SAP130: variants seen among roughly 807,000 people sequenced by gnomAD.
SAP130 encodes the protein histone deacetylase complex subunit SAP130.
Under a neutral mutation model 103.2 loss-of-function variants are expected in SAP130, and 16 were observed. That is an observed-to-expected ratio of 0.16 (90% CI 0.10 to 0.24). The LOEUF (loss-of-function observed/expected upper bound fraction) is 0.24, where lower values mean the gene tolerates loss of function less well. Ranked by LOEUF, SAP130 falls within the 10% of genes least tolerant of loss-of-function variation. SAP130 has a pLI of 1.00. For synonymous variants in SAP130, 477 were observed against 497.0 expected (o/e 0.96, Z 0.53); for missense variants, 990 against 1,359.7 (o/e 0.73, Z 4.28).
In SAP130 at chr2:127,973,802, C is replaced by T. The variant is rs186486614; in HGVS notation, c.2063+4183G>A. Among the ~76,000 whole-genome samples, 440 of 152,118 alleles carry T rather than the reference C, an allele frequency of 2.9e-3. 1 individual carries two copies. Among genetic ancestry groups the T allele is most frequent in the Middle Eastern group, 0.01 (3 of 294 alleles). On this transcript the variant is annotated intron_variant, in intron 15 of 20. Coordinates refer to ENST00000643581, the MANE Select transcript of SAP130 (RefSeq NM_001330301.2). Reference sequence around the variant, plus strand: ...ACTTTTAAGACATATGGGCAGGGTGCGGTGCTCATGTCTGTAATCCCAGCA... The same window carrying T: ...ACTTTTAAGACATATGGGCAGGGTGTGGTGCTCATGTCTGTAATCCCAGCA...
chr2:128,013,259 G>A (rs982929660), intron 5 of SAP130, 105 bp from the exon 6 acceptor site: 4 of 1,002,832 alleles, frequency 4.0e-6, no homozygotes, highest in Non-Finnish European at 5.6e-6. Flanking sequence ...TCGAGCTGAA[G>A]TATGGTATGT....
At chr2:127,970,617 A>G (rs542696358) in intron 15 of SAP130, among the ~76,000 whole-genome samples, 2 of 151,382 alleles carry the variant, frequency 1.3e-5, no homozygotes, top group Non-Finnish European at 2.9e-5. Context: ...TCGGAAGGCT[A>G]ATGTGGAAGG....
At chr2:127,974,939 G>C (rs1406245842) in intron 15 of SAP130, among the ~76,000 whole-genome samples, 1 of 152,184 alleles carries the variant, frequency 6.6e-6, no homozygotes, top group East Asian at 1.9e-4. Flanking sequence ...GCAATAGGTT[G>C]TACCACATAG....
chr2:127,978,304 G>A (rs1681619247), intron 14 of SAP130, among the ~76,000 whole-genome samples: 1 of 151,776 alleles, frequency 6.6e-6, no homozygotes, highest in South Asian at 2.1e-4. Context: ...AAAAGAGCAG[G>A]TCCCTTCCCC....
At chr2:128,027,918 C>G (rs1423882429) in intron 1 of SAP130, 22 bp downstream of exon 1, 38 of 985,220 alleles carry the variant, frequency 3.9e-5, no homozygotes, top group Non-Finnish European at 4.6e-5. Context: ...CCTTCCCTCC[C>G]GGGCGCCCGT....
intron 15 of SAP130, among the ~76,000 whole-genome samples, chr2:127,974,562 C>T (rs552806490): frequency 6.6e-6 from 1 of 152,184 alleles, no homozygotes; most frequent in Non-Finnish European, 1.5e-5. Flanking sequence ...GCCTGTAATC[C>T]CAGCACTTGG....
intron 15 of SAP130, among the ~76,000 whole-genome samples, chr2:127,977,263 G>A (rs560586507): frequency 6.6e-5 from 10 of 150,432 alleles, no homozygotes; most frequent in Admixed American, 1.3e-4. Context: ...GCTGAGGCAC[G>A]TGGATCAATT....
intron 4 of SAP130, 83 bp downstream of exon 4, chr2:128,016,293 TATTACCGTGACTA>T (rs1684770993): frequency 7.7e-7 from 1 of 1,294,894 alleles, no homozygotes; most frequent in South Asian, 1.4e-5. Flanking sequence ...GATCTTTTTT[TATTACCGTGACTA>T]ATGTACTGCT....
chr2:127,977,393 C>T (rs1312842499), intron 15 of SAP130, among the ~76,000 whole-genome samples: 2 of 150,682 alleles, frequency 1.3e-5, no homozygotes, highest in Non-Finnish European at 2.9e-5. Context: ...CCAGCTACTC[C>T]GGTGGCCGAG....
chr2:127,975,085 A>C (rs1031629497), intron 15 of SAP130, among the ~76,000 whole-genome samples: 2 of 152,182 alleles, frequency 1.3e-5, no homozygotes, highest in South Asian at 2.1e-4. Flanking sequence ...ATGGTCCCCA[A>C]ATCACCATGT....
intron 11 of SAP130, among the ~76,000 whole-genome samples, chr2:127,994,690 C>T (rs1041664705): frequency 6.6e-6 from 1 of 151,664 alleles, no homozygotes; most frequent in Non-Finnish European, 1.5e-5. Context: ...GCCCGGAAGT[C>T]GAGGCTGCAG....
In SAP130 at chr2:127,983,817, TTTG is replaced by T. The variant is rs200308188; in HGVS notation, c.1958+2965_1958+2967del. ...TTCAGTTTTGGTAATTTTCTATTAC[TTTG>T]TTGTTTTTTTTTTTTTTTTTTTTTT... On this transcript the variant is annotated intron_variant, in intron 14 of 20. Transcript: ENST00000643581. 3.8e-4 allele frequency among the ~76,000 whole-genome samples: 47 copies of T among 124,358 alleles called. 1 individual carries two copies. In the South Asian group the frequency reaches 6.8e-3, roughly 18 times the overall value. 81.6% of individuals were successfully genotyped at this position (124,358 alleles called of 152,430 possible).
chr2:128,004,877 AT>A (rs1683846953), intron 7 of SAP130, among the ~76,000 whole-genome samples: 2 of 152,234 alleles, frequency 1.3e-5, no homozygotes, highest in African/African-American at 4.8e-5. Context: ...AACCCAGTAT[AT>A]AGTCCAGGCT....
chr2:127,950,518 A>G (rs542211959), intron 16 of SAP130, 110 bp from the exon 17 acceptor site: 2 of 1,262,064 alleles, frequency 1.6e-6, no homozygotes, highest in African/African-American at 2.9e-5. Flanking sequence ...GAGCACCAAC[A>G]TTTATTGTCT....
intron 15 of SAP130, among the ~76,000 whole-genome samples, chr2:127,956,049 T>C (rs1235644966): frequency 6.6e-6 from 1 of 152,192 alleles, no homozygotes; most frequent in Non-Finnish European, 1.5e-5. Flanking sequence ...TTTTCTTTTC[T>C]TTCTCTTTAG....
At chr2:127,976,780 C>T (rs939228542) in intron 15 of SAP130, among the ~76,000 whole-genome samples, 12 of 152,120 alleles carry the variant, frequency 7.9e-5, no homozygotes, top group Non-Finnish European at 1.5e-4. Flanking sequence ...TGTGGTAGCA[C>T]GCTCCTGTAG....
At chr2:128,022,932 C>A (rs529265813) in intron 2 of SAP130, among the ~76,000 whole-genome samples, 2 of 151,984 alleles carry the variant, frequency 1.3e-5, no homozygotes, top group Non-Finnish European at 2.9e-5. Context: ...CAGGCTCAAG[C>A]GATCCTCCCA....
At chr2:127,983,266 T>G (rs981438480) in intron 14 of SAP130, among the ~76,000 whole-genome samples, 3 of 152,238 alleles carry the variant, frequency 2.0e-5, no homozygotes, top group Non-Finnish European at 4.4e-5. Flanking sequence ...AACAAAATTT[T>G]TAATGTTATT....
chr2:127,973,868 G>C (rs1171593112), intron 15 of SAP130, among the ~76,000 whole-genome samples: 1 of 152,040 alleles, frequency 6.6e-6, no homozygotes, highest in East Asian at 1.9e-4. Context: ...GAGCCCAGGA[G>C]TTCCAGACCA....
Sources: gnomAD v4.1 joint callset for allele counts (sites outside exome capture counted in the v4.1 genomes callset) on GRCh38, gnomAD v4.1.1 for gene constraint, MANE v1.5 for transcripts, NCBI Gene and HGNC (gene_info 2026-07-23, HGNC 2026-07-21) for gene names.